Variants in KLF8 observed in about 807,000 individuals in gnomAD.
KLF8 encodes the protein Krueppel-like factor 8.
In KLF8, 10 loss-of-function variants were observed where a neutral mutation model predicts 18.2. That is an observed-to-expected ratio of 0.55 (90% CI 0.34 to 0.93). The LOEUF (loss-of-function observed/expected upper bound fraction) is 0.93, where lower values mean the gene tolerates loss of function less well. Among genes scored for constraint, KLF8 ranks in the 40% least tolerant of loss-of-function variants. KLF8 has a pLI of 0.02. For missense variants in KLF8, 264 were observed against 277.9 expected (o/e 0.95, Z 0.36); for synonymous variants, 109 against 97.3 (o/e 1.12, Z -0.71).
the KLF8 span, among the ~76,000 whole-genome samples, chrX:56,174,547 C>T: frequency 1.9e-3 from 213 of 111,790 alleles, 2 homozygotes; most frequent in African/African-American, 6.7e-3. Flanking sequence ...GGATATTCGT[C>T]TAAAATTCTC....
At chrX:56,189,692 A>G in the KLF8 span, among the ~76,000 whole-genome samples, 1 of 110,190 alleles carries the variant, frequency 9.1e-6, no homozygotes, top group Non-Finnish European at 1.9e-5. Flanking sequence ...ATGCAGCCAT[A>G]AAAAATGATG....
At chrX:56,272,076 A>T (rs1316583612) in intron 5 of KLF8, among the ~76,000 whole-genome samples, 1 of 111,572 alleles carries the variant, frequency 9.0e-6, no homozygotes, top group East Asian at 2.8e-4. Context: ...TAAGCTTCCC[A>T]TATGAAGGGA....
chrX:56,155,224 G>C, the KLF8 span, among the ~76,000 whole-genome samples: 1 of 111,695 alleles, frequency 9.0e-6, no homozygotes, highest in African/African-American at 3.3e-5. Flanking sequence ...AACAATGATA[G>C]ACTGGATTAA....
chrX:56,170,151 C>T, the KLF8 span, among the ~76,000 whole-genome samples: 1 of 110,966 alleles, frequency 9.0e-6, no homozygotes, highest in East Asian at 2.9e-4. Context: ...CCCACTAATG[C>T]AAACATAACT....
the KLF8 span, among the ~76,000 whole-genome samples, chrX:56,102,575 TC>T: frequency 9.0e-6 from 1 of 111,353 alleles, no homozygotes; most frequent in Admixed American, 9.5e-5. Flanking sequence ...CAATATTGGT[TC>T]TTCCATTTCA....
At chrX:55,914,854 T>C in the KLF8 span, among the ~76,000 whole-genome samples, 10 of 111,558 alleles carry the variant, frequency 9.0e-5, no homozygotes, top group Admixed American at 8.6e-4. Context: ...TAAGAGTCTC[T>C]TATTTTTTAT....
chrX:55,989,749 A>C, the KLF8 span, among the ~76,000 whole-genome samples: 2 of 110,962 alleles, frequency 1.8e-5, no homozygotes, highest in East Asian at 5.6e-4. Context: ...CCTCTTTTTC[A>C]ATTGATTGGA....
the KLF8 span, among the ~76,000 whole-genome samples, chrX:56,154,452 T>C: frequency 9.0e-6 from 1 of 111,722 alleles, no homozygotes; most frequent in Non-Finnish European, 1.9e-5. Context: ...CAAAAATTAA[T>C]TCAAGATGGA....
At chrX:56,046,870 T>C in the KLF8 span, among the ~76,000 whole-genome samples, 1 of 111,471 alleles carries the variant, frequency 9.0e-6, no homozygotes, top group Non-Finnish European at 1.9e-5. Context: ...ATGATCTTTT[T>C]TCCAGGTGTT....
At chrX:56,124,918 C>G in the KLF8 span, among the ~76,000 whole-genome samples, 2 of 111,779 alleles carry the variant, frequency 1.8e-5, no homozygotes, top group Non-Finnish European at 3.8e-5. Flanking sequence ...TGAAAATGCA[C>G]TACAAAACCT....
At chrX:55,949,046 C>A in the KLF8 span, among the ~76,000 whole-genome samples, 1 of 111,983 alleles carries the variant, frequency 8.9e-6, no homozygotes, top group Admixed American at 9.5e-5. Context: ...AAATTATCTT[C>A]TATGATACTA....
At chrX:56,185,533 G>C in the KLF8 span, among the ~76,000 whole-genome samples, 1 of 111,163 alleles carries the variant, frequency 9.0e-6, no homozygotes, top group Non-Finnish European at 1.9e-5. Context: ...ACACCACAAA[G>C]ATACTCCTCG....
At chrX:55,957,980 A>G in the KLF8 span, among the ~76,000 whole-genome samples, 1 of 112,304 alleles carries the variant, frequency 8.9e-6, no homozygotes, top group East Asian at 2.8e-4. Flanking sequence ...CTTTTTCAAG[A>G]TTACACATCC....
chrX:56,089,669 G>A, the KLF8 span, among the ~76,000 whole-genome samples: 1 of 112,418 alleles, frequency 8.9e-6, no homozygotes, highest in Admixed American at 9.4e-5. Flanking sequence ...CAGTTTACTA[G>A]AGTGGATGCC....
chrX:56,207,898 T>TTTAA, the KLF8 span, among the ~76,000 whole-genome samples: 1 of 111,016 alleles, frequency 9.0e-6, no homozygotes, highest in East Asian at 2.9e-4. Context: ...AGAAAAGAAG[T>TTTAA]TTAATTGACT....
the KLF8 span, among the ~76,000 whole-genome samples, chrX:56,142,142 A>G: frequency 9.0e-6 from 1 of 111,425 alleles, no homozygotes; most frequent in African/African-American, 3.3e-5. Context: ...GAACCTATGA[A>G]GTAAACCATT....
chrX:56,012,502 A>G, the KLF8 span, among the ~76,000 whole-genome samples: 1 of 112,247 alleles, frequency 8.9e-6, no homozygotes, highest in African/African-American at 3.2e-5. Flanking sequence ...CTTAATGAAC[A>G]ATAGCTGGAA....
chrX:56,110,783 T>C, the KLF8 span, among the ~76,000 whole-genome samples: 2 of 112,214 alleles, frequency 1.8e-5, no homozygotes, highest in Non-Finnish European at 3.8e-5. Flanking sequence ...TTTACATTAA[T>C]CTAATACATT....
At chrX:56,193,436 G>A in the KLF8 span, among the ~76,000 whole-genome samples, 1 of 111,438 alleles carries the variant, frequency 9.0e-6, no homozygotes, top group Non-Finnish European at 1.9e-5. Context: ...TAAAAATAGT[G>A]TTGCCATATG....
Sources: gnomAD v4.1 joint callset for allele counts (sites outside exome capture counted in the v4.1 genomes callset) on GRCh38, gnomAD v4.1.1 for gene constraint, MANE v1.5 for transcripts, NCBI Gene and HGNC (gene_info 2026-07-23, HGNC 2026-07-21) for gene names.